The following BICC1 variants were observed in gnomAD, a reference collection of about 807,000 sequenced individuals.
BICC1 encodes BicC family RNA binding protein 1, also known as protein bicaudal C homolog 1.
A neutral mutation model predicts 111.0 loss-of-function variants in BICC1; 43 were observed. The ratio of observed to expected loss-of-function variants is 0.39; its 90% CI spans 0.30 to 0.50. BICC1 has a LOEUF of 0.50. Among genes scored for constraint, BICC1 ranks in the 20% least tolerant of loss-of-function variants. The pLI, the probability that BICC1 is intolerant of heterozygous loss-of-function variation, is 0.88. For synonymous variants in BICC1, 467 were observed against 434.4 expected (o/e 1.07, Z -0.93); for missense variants, 1,091 against 1,203.2 (o/e 0.91, Z 1.38).
At chr10:58,553,856 A>G (rs1843367440) in intron 1 of BICC1, among the ~76,000 whole-genome samples, 1 of 151,354 alleles carries the variant, frequency 6.6e-6, no homozygotes, top group East Asian at 1.9e-4. Flanking sequence ...ACAAAAATGT[A>G]AAAAAAACCA....
intron 3 of BICC1, 47 bp from the exon 4 acceptor site, chr10:58,784,954 A>G: frequency 9.4e-7 from 1 of 1,067,516 alleles, no homozygotes; most frequent in Non-Finnish European, 1.4e-6. Context: ...AACAATTTTA[A>G]ACAGAGTTTG....
chr10:58,534,635 A>C lies in BICC1; in HGVS notation c.190+21302A>C, dbSNP rs1842780573. Among the ~76,000 whole-genome samples the C allele has an allele frequency of 1.3e-5, 2 of 151,692 alleles. 1 individual carries two copies. The highest frequency in any genetic ancestry group is 4.1e-4 in the South Asian group (2 of 4,828). On this transcript the variant is annotated intron_variant, in intron 1 of 20. Transcript: ENST00000373886. ...CAAAAATAATGAGAAGAAATAGTCT[A>C]CCCAAATGAGAAGGAACCAGAAAAA...
intron 1 of BICC1, among the ~76,000 whole-genome samples, chr10:58,574,295 C>G (rs758640764): frequency 6.6e-6 from 1 of 152,076 alleles, no homozygotes; most frequent in Non-Finnish European, 1.5e-5. Flanking sequence ...ATATAAGGAA[C>G]ATTTTTGTGG....
At chr10:58,592,865 G>T (rs1021973243) in intron 1 of BICC1, among the ~76,000 whole-genome samples, 5 of 108,868 alleles carry the variant, frequency 4.6e-5, no homozygotes, top group Non-Finnish European at 8.5e-5. Flanking sequence ...CACAGAGCAA[G>T]ACTCCGTCTC....
At chr10:58,528,946 T>C (rs1483344709) in intron 1 of BICC1, among the ~76,000 whole-genome samples, 1 of 151,934 alleles carries the variant, frequency 6.6e-6, no homozygotes, top group Non-Finnish European at 1.5e-5. Context: ...AAAGAGAGGA[T>C]AGTTAAAGTG....
intron 3 of BICC1, among the ~76,000 whole-genome samples, chr10:58,772,054 T>C: frequency 6.6e-6 from 1 of 152,206 alleles, no homozygotes; most frequent in Admixed American, 6.5e-5. Flanking sequence ...TCATCTTCAC[T>C]GTGACTCCAG....
intron 1 of BICC1, among the ~76,000 whole-genome samples, chr10:58,574,513 A>G (rs1472734349): frequency 1.6e-5 from 1 of 63,998 alleles, no homozygotes; most frequent in African/African-American, 3.6e-5. Context: ...ATACAAGCTT[A>G]ATTTTATACA....
At chr10:58,591,777 G>A (rs1021874616) in intron 1 of BICC1, among the ~76,000 whole-genome samples, 2 of 152,204 alleles carry the variant, frequency 1.3e-5, no homozygotes, top group African/African-American at 2.4e-5. Flanking sequence ...AAGAGTTTAG[G>A]TATGTGCTGC....
chr10:58,679,735 A>G (rs776246609), intron 2 of BICC1, among the ~76,000 whole-genome samples: 1 of 152,176 alleles, frequency 6.6e-6, no homozygotes, highest in Middle Eastern at 3.2e-3. Flanking sequence ...GACAATAAAT[A>G]AAGAAAATTT....
At chr10:58,550,513 C>G (rs1387070150) in intron 1 of BICC1, among the ~76,000 whole-genome samples, 1 of 152,050 alleles carries the variant, frequency 6.6e-6, no homozygotes, top group African/African-American at 2.4e-5. Flanking sequence ...TCACTAAACC[C>G]AAGGTCATGT....
intron 2 of BICC1, among the ~76,000 whole-genome samples, chr10:58,625,672 T>C (rs1296871650): frequency 6.6e-6 from 1 of 152,190 alleles, no homozygotes; most frequent in Non-Finnish European, 1.5e-5. Context: ...ACTTTCAAAC[T>C]CATTGTTTTT....
intron 3 of BICC1, among the ~76,000 whole-genome samples, chr10:58,739,477 G>A (rs987011139): frequency 2.0e-5 from 3 of 151,996 alleles, no homozygotes; most frequent in African/African-American, 4.8e-5. Context: ...TGCTGTATTC[G>A]GTTTGCCAGT....
At chr10:58,720,701 G>A (rs1030494848) in intron 3 of BICC1, among the ~76,000 whole-genome samples, 9 of 152,178 alleles carry the variant, frequency 5.9e-5, no homozygotes, top group East Asian at 3.9e-4. Flanking sequence ...GGTGACAGCC[G>A]GTGACCTTGT....
At chr10:58,647,248 A>G (rs1332525116) in intron 2 of BICC1, among the ~76,000 whole-genome samples, 1 of 152,180 alleles carries the variant, frequency 6.6e-6, no homozygotes, top group Non-Finnish European at 1.5e-5. Flanking sequence ...ATTTAGTAAG[A>G]AAAGTAGCAT....
chr10:58,516,135 G>C lies in BICC1; in HGVS notation c.190+2802G>C, dbSNP rs139591898. 1.0e-3 allele frequency among the ~76,000 whole-genome samples: 156 copies of C among 152,234 alleles called. 1 individual carries two copies. The highest frequency in any genetic ancestry group is 1.4e-3 in the East Asian group (7 of 5,178). ...GTTTTCAATTATTGTGAATTTGGGT[G>C]TGCTATTTTTCTATTTACAATTGAC... On this transcript the variant is annotated intron_variant, in intron 1 of 20. Transcript: ENST00000373886.
chr10:58,527,407 C>CAGA, intron 1 of BICC1, among the ~76,000 whole-genome samples: 1 of 152,164 alleles, frequency 6.6e-6, no homozygotes, highest in East Asian at 1.9e-4. Flanking sequence ...TTTTGCTGTG[C>CAGA]AGAAGCTCTT....
At chr10:58,742,140 A>G (rs1841686902) in intron 3 of BICC1, among the ~76,000 whole-genome samples, 1 of 123,070 alleles carries the variant, frequency 8.1e-6, no homozygotes, top group Non-Finnish European at 1.7e-5. Context: ...TGAAACTGCC[A>G]AAGTAGGCAG....
chr10:58,622,849 T>G (rs10733982), intron 2 of BICC1, among the ~76,000 whole-genome samples: 149,281 of 152,284 alleles, frequency 0.98, 73,251 homozygotes, highest in Middle Eastern at 1. Context: ...CATGACATTT[T>G]GGGAAGCATT....
intron 3 of BICC1, among the ~76,000 whole-genome samples, chr10:58,757,752 G>C (rs908033879): frequency 6.6e-6 from 1 of 152,180 alleles, no homozygotes; most frequent in East Asian, 1.9e-4. Flanking sequence ...GGTTGTTCTT[G>C]GGTAAACTGT....
Sources: allele counts gnomAD v4.1 joint callset (sites outside exome capture counted in the v4.1 genomes callset), GRCh38; gene constraint gnomAD v4.1.1; transcripts MANE v1.5; gene names NCBI Gene and HGNC (gene_info 2026-07-23, HGNC 2026-07-21).